The following CTDNEP1 variants were observed in gnomAD, a reference collection of about 807,000 sequenced individuals.
CTDNEP1 encodes the protein C-terminal domain nuclear envelope phosphatase 1.
CTDNEP1 carries 3 observed loss-of-function variants against 30.1 expected under a neutral mutation model. That is an observed-to-expected ratio of 0.10 (90% CI 0.05 to 0.26). The LOEUF (loss-of-function observed/expected upper bound fraction) is 0.26, where lower values mean the gene tolerates loss of function less well. CTDNEP1 is among the 10% of genes least tolerant of loss of function. The pLI is 1.00. For synonymous variants in CTDNEP1, 123 were observed against 118.8 expected (o/e 1.04, Z -0.23); for missense variants, 158 against 310.4 (o/e 0.51, Z 3.69).
intron 1 of CTDNEP1, among the ~76,000 whole-genome samples, chr17:7,248,362 C>CTTTTTTTTTCT (rs2071871966): frequency 1.1e-5 from 1 of 94,372 alleles, no homozygotes; most frequent in African/African-American, 3.7e-5. Flanking sequence ...CTTTTTTTTT[C>CTTTTTTTTTCT]TTTTTTTTTT....
At chr17:7,250,222 C>T (rs886667140) in intron 1 of CTDNEP1, among the ~76,000 whole-genome samples, 2 of 152,156 alleles carry the variant, frequency 1.3e-5, no homozygotes, top group African/African-American at 2.4e-5. Context: ...TTGAGGTATG[C>T]TAAGGGGTAC....
rs758387545 is a variant in CTDNEP1, at chr17:7,246,148, G to C, written c.478-11C>G. ...CTCCAAAGTGCAGTGCTGGAAGGCAGGGGATCATGTAGCAGGCCTCTCTCC... is the reference window on the plus strand; with the variant it reads ...CTCCAAAGTGCAGTGCTGGAAGGCACGGGATCATGTAGCAGGCCTCTCTCC... On this transcript the variant is annotated splice_polypyrimidine_tract_variant and intron_variant, in intron 5 of 7. Coordinates refer to ENST00000574322, the MANE Select transcript of CTDNEP1 (RefSeq NM_001143775.2). The surrounding 1 kb of genome is among the most constrained non-coding windows in gnomAD (Gnocchi z 4.9). The C allele has an allele frequency of 6.2e-7, 1 of 1,608,460 alleles. No homozygotes were observed. Among genetic ancestry groups the C allele is most frequent in the African/African-American group, 1.3e-5 (1 of 74,738 alleles).
rs987385147 is a variant in CTDNEP1, at chr17:7,250,508, C to T, written c.102+687G>A. The stretch of plus-strand genomic sequence containing the variant: ...ACAACTGCCCAGCGCTGTCCTCTGA[C>T]AGGGACACCCAAACTTCAATGGTGG... On this transcript the variant is annotated intron_variant, in intron 1 of 7. Coordinates refer to ENST00000574322, the MANE Select transcript of CTDNEP1 (RefSeq NM_001143775.2). Among the ~76,000 whole-genome samples, 8 of 152,174 alleles carry T rather than the reference C, an allele frequency of 5.3e-5. 1 individual carries two copies. The highest frequency in any genetic ancestry group is 8.8e-5 in the Non-Finnish European group (6 of 68,032).
intron 1 of CTDNEP1, among the ~76,000 whole-genome samples, chr17:7,250,145 T>C (rs959900906): frequency 6.6e-6 from 1 of 152,058 alleles, no homozygotes; most frequent in African/African-American, 2.4e-5. Flanking sequence ...CCACTACCAC[T>C]GAGGGCTTTC....
intron 1 of CTDNEP1, among the ~76,000 whole-genome samples, chr17:7,250,770 C>T (rs1217863694): frequency 6.6e-6 from 1 of 152,098 alleles, no homozygotes; most frequent in Non-Finnish European, 1.5e-5. Context: ...CCACCCTTGA[C>T]ACACAAGTCT....
chr17:7,247,597 T>C (rs989383959), intron 1 of CTDNEP1, among the ~76,000 whole-genome samples: 1 of 151,382 alleles, frequency 6.6e-6, no homozygotes, highest in African/African-American at 2.4e-5. Context: ...GCCTCCCTAA[T>C]AGCTGGGACT....
Position 7,246,704 on chromosome 17 carries a change from T to C in CTDNEP1, c.360+87A>G. ...GAAAACTGCTCTAACCCGTTTCTCC[T>C]CACCCCTTCCTCCAAATCCTCCCAA... is the stretch of plus-strand genomic sequence containing the variant. On this transcript the variant is annotated intron_variant, in intron 4 of 7. Coordinates refer to ENST00000574322, the MANE Select transcript of CTDNEP1 (RefSeq NM_001143775.2). The surrounding 1 kb of genome is among the most constrained non-coding windows in gnomAD (Gnocchi z 4.9). 1 of 1,205,248 alleles carries C rather than the reference T, an allele frequency of 8.3e-7. No homozygotes were observed. Among genetic ancestry groups the C allele is most frequent in the Non-Finnish European group, 1.2e-6 (1 of 821,348 alleles). 74.7% of individuals were successfully genotyped at this position (1,205,248 alleles called of 1,614,324 possible). A position where few individuals can be genotyped will look rare whatever the true frequency, so the allele number is the denominator to read the frequency against.
rs1293286722 is a variant in CTDNEP1, at chr17:7,246,117, G to A, written c.498C>T (p.Gly166=). The change falls in exon 6 of 8, where the codon GGC becomes GGT. Residue 166 remains glycine (G), a synonymous_variant. Coordinates refer to ENST00000574322, the MANE Select transcript of CTDNEP1 (RefSeq NM_001143775.2). The surrounding 1 kb of genome is among the most constrained non-coding windows in gnomAD (Gnocchi z 4.9). The part of the protein sequence containing the change: ...YYRQHCTLEL[G]SYIKDLSVVH... Reference sequence around the variant, plus strand: ...CCACAGAGAGGTCCTTGATGTAGCTGCCCAACTCCAAAGTGCAGTGCTGGA... The same window carrying A: ...CCACAGAGAGGTCCTTGATGTAGCTACCCAACTCCAAAGTGCAGTGCTGGA... 2 of 1,613,854 alleles carry A rather than the reference G, an allele frequency of 1.2e-6. No homozygotes were observed. The highest frequency in any genetic ancestry group is 1.7e-6 in the Non-Finnish European group (2 of 1,179,822).
rs765924978 is a variant in CTDNEP1 at position 7,244,232 on chromosome 17, C to T, written c.688G>A (p.Val230Ile). The change falls in exon 8 of 8, where the codon GTT becomes ATT. Residue 230 changes from valine to isoleucine, a missense_variant. This residue lies in a region of CTDNEP1 where 96 missense variants were observed against 229.1 expected (regional missense o/e 0.42). Coordinates refer to ENST00000574322, the MANE Select transcript of CTDNEP1 (RefSeq NM_001143775.2). ...AGGTTTCGGCTCAGCACGGAACGAACATCAGCGGTGAACCTGGGGTGACAA... is the reference window on the plus strand; with the variant it reads ...AGGTTTCGGCTCAGCACGGAACGAATATCAGCGGTGAACCTGGGGTGACAA... ...MLDALRFTAD[V>I]RSVLSRNLHQ... 1 of 1,614,104 alleles carries T rather than the reference C, an allele frequency of 6.2e-7. No homozygotes were observed. The highest frequency in any genetic ancestry group is 1.1e-5 in the South Asian group (1 of 91,090).
rs1379101575 is a variant in CTDNEP1 at position 7,248,259 on chromosome 17, C to CCAAAAAAAA, written c.103-917_103-916insTTTTTTTTG. Among the ~76,000 whole-genome samples the CCAAAAAAAA allele has an allele frequency of 3.9e-4, 6 of 15,408 alleles. 2 individuals are homozygous for CCAAAAAAAA. Among genetic ancestry groups the CCAAAAAAAA allele is most frequent in the African/African-American group, 5.8e-4 (6 of 10,386 alleles). The allele number at this position is 15,408 out of a possible 152,430, so 10.1% of individuals were successfully genotyped here. On this transcript the variant is annotated intron_variant, in intron 1 of 7. Transcript: ENST00000574322. ...CTGGTGACAGAGCAAGACTCCGTCG[C>CCAAAAAAAA]AAAAAAAAAAAAAAAAAAAAAAAAA... is the stretch of plus-strand genomic sequence containing the variant.
At chr17:7,244,500 C>G in intron 7 of CTDNEP1, 51 bp downstream of exon 7, 1 of 1,493,666 alleles carries the variant, frequency 6.7e-7, no homozygotes, top group Non-Finnish European at 9.3e-7. Context: ...GAGGATCCCC[C>G]ACCTCCTCCT....
chr17:7,245,117 TC>T (rs1226367123), intron 6 of CTDNEP1, among the ~76,000 whole-genome samples: 1 of 152,068 alleles, frequency 6.6e-6, no homozygotes, highest in Non-Finnish European at 1.5e-5. Context: ...GTGGTGAAAC[TC>T]CGTCGCTACT....
In CTDNEP1 at chr17:7,244,201, T is replaced by C. The variant is rs2071810006; in HGVS notation, c.719A>G (p.Gln240Arg). 2 of 1,613,918 alleles carry C rather than the reference T, an allele frequency of 1.2e-6. No homozygotes were observed. The highest frequency in any genetic ancestry group is 1.3e-5 in the African/African-American group (1 of 74,938). ...VRSVLSRNLH[Q>R]HRLW is the part of the protein sequence containing the mutation. ...GAGCAGCTGTCACCAGAGCCGATGT[T>C]GGTGAAGGTTTCGGCTCAGCACGGA... The change falls in exon 8 of 8, where the codon CAA (glutamine) becomes CGA (arginine). Residue 240 changes from glutamine (Q) to arginine (R), a missense_variant. This residue lies in a region of CTDNEP1 where 96 missense variants were observed against 229.1 expected (regional missense o/e 0.42). Coordinates refer to ENST00000574322, the MANE Select transcript of CTDNEP1 (RefSeq NM_001143775.2).
At chr17:7,250,858 G>A (rs1273867918) in intron 1 of CTDNEP1, among the ~76,000 whole-genome samples, 1 of 151,996 alleles carries the variant, frequency 6.6e-6, no homozygotes, top group Non-Finnish European at 1.5e-5. Context: ...CCACAGATCC[G>A]GCTGTCATCA....
chr17:7,251,652 C>G lies in CTDNEP1; in HGVS notation c.-356G>C, dbSNP rs1165261048. 1.0e-5 allele frequency: 1 copy of G among 99,770 alleles called. No individual in the cohort carries two copies. The highest frequency in any genetic ancestry group is 2.5e-4 in the East Asian group (1 of 4,020). 6.2% of individuals were successfully genotyped at this position (99,770 alleles called of 1,614,324 possible). ...GGGGAGGGGGCAGTGGGGGAGGGGG[C>G]TAGGGAAAAGGGAGGAAGGGAAAAG... On this transcript the variant is annotated 5_prime_UTR_variant, in exon 1 of 8. Transcript: ENST00000574322.
intron 1 of CTDNEP1, among the ~76,000 whole-genome samples, 189 bp from the exon 2 acceptor site, chr17:7,247,532 G>A (rs965510448): frequency 2.0e-5 from 3 of 148,916 alleles, no homozygotes; most frequent in Non-Finnish European, 4.4e-5. Flanking sequence ...GCAGCGGCAT[G>A]ATCTCGGCTC....
rs971206238 is a variant in CTDNEP1 at position 7,251,439 on chromosome 17, G to A, written c.-143C>T. Reference sequence around the variant, plus strand: ...TGCAGAGAGGGGCACGGAGCGGGCGGCTCAGAAAGCCACCCCTGGCGAGGG... The same window carrying A: ...TGCAGAGAGGGGCACGGAGCGGGCGACTCAGAAAGCCACCCCTGGCGAGGG... On this transcript the variant is annotated 5_prime_UTR_variant, in exon 1 of 8. Coordinates refer to ENST00000574322, the MANE Select transcript of CTDNEP1 (RefSeq NM_001143775.2). The A allele has an allele frequency of 2.1e-6, 1 of 481,866 alleles. No homozygotes were observed. The highest frequency in any genetic ancestry group is 4.5e-5 in the Admixed American group (1 of 22,044). 29.8% of individuals were successfully genotyped at this position (481,866 alleles called of 1,614,324 possible).
intron 6 of CTDNEP1, 178 bp from the exon 7 acceptor site, chr17:7,244,813 T>C: frequency 1.8e-6 from 1 of 567,992 alleles, no homozygotes; most frequent in East Asian, 3.1e-5. Context: ...AATCACCAGA[T>C]CTCATACCTA....
At chr17:7,245,002 C>A (rs536730573) in intron 6 of CTDNEP1, among the ~76,000 whole-genome samples, 5 of 152,046 alleles carry the variant, frequency 3.3e-5, no homozygotes, top group Admixed American at 2.0e-4. Flanking sequence ...TACTAAAAAT[C>A]AAAAAATTGG....
Sources: gnomAD v4.1 joint callset for allele counts (sites outside exome capture counted in the v4.1 genomes callset) on GRCh38, gnomAD v4.1.1 for gene constraint, gnomAD v4.1.1 regional missense constraint, Gnocchi (gnomAD v3.1) non-coding constraint, MANE v1.5 for transcripts, NCBI Gene and HGNC (gene_info 2026-07-23, HGNC 2026-07-21) for gene names.